The following KBTBD2 variants were observed in gnomAD, a reference collection of about 807,000 sequenced individuals.
KBTBD2 encodes the protein kelch repeat and BTB domain-containing protein 2.
Under a neutral mutation model 57.1 loss-of-function variants are expected in KBTBD2, and 17 were observed. The ratio of observed to expected loss-of-function variants is 0.30; its 90% confidence interval spans 0.20 to 0.45. The LOEUF is 0.45. Ranked by LOEUF, KBTBD2 falls within the 20% of genes least tolerant of loss-of-function variation. KBTBD2 has a pLI of 1.00. For missense variants in KBTBD2, 515 were observed against 750.6 expected, an observed-to-expected ratio of 0.69 and a Z score of 3.67; for synonymous variants, 267 against 262.7, an observed-to-expected ratio of 1.02 and a Z score of -0.16.
At chr7:32,884,783 T>C (rs1583789185) in intron 1 of KBTBD2, among the ~76,000 whole-genome samples, 1 of 151,934 alleles carries the variant, frequency 6.6e-6, no homozygotes, top group Non-Finnish European at 1.5e-5. Context: ...TTTTAGGCTT[T>C]GGGAGCCATA....
At chr7:32,891,282 C>T (rs1784731979) in intron 1 of KBTBD2, 1 of 148,858 alleles carries the variant, frequency 6.7e-6, no homozygotes, top group African/African-American at 2.4e-5. Context: ...TACCGGGCCG[C>T]CCCTTCCCCG....
chr7:32,888,664 C>G (rs530863219), intron 1 of KBTBD2, among the ~76,000 whole-genome samples: 1 of 150,310 alleles, frequency 6.7e-6, no homozygotes, highest in Non-Finnish European at 1.5e-5. Flanking sequence ...CACTGCACTC[C>G]AGCCTGGGCG....
rs758468982 is a variant in KBTBD2, at chr7:32,869,577, G to A, written c.1640C>T (p.Ala547Val). The change falls in exon 4 of 4, where the codon GCT becomes GTT. Residue 547 changes from alanine (A) to valine (V), a missense_variant. Ala to Val is a moderately conservative substitution (Grantham distance 64, BLOSUM62 0). Coordinates refer to ENST00000304056, the MANE Select transcript of KBTBD2 (RefSeq NM_015483.3). ...FMRETHLNER[A>V]KYVTYQYDLE... ...GTCATATTGGTAGGTGACGTATTTA[G>A]CTCGCTCATTTAAGTGGGTTTCTCG... 3 of 1,614,142 alleles carry A rather than the reference G, an allele frequency of 1.9e-6. No individual in the cohort carries two copies. Among genetic ancestry groups the A allele is most frequent in the Non-Finnish European group, 2.5e-6 (3 of 1,180,012 alleles).
intron 1 of KBTBD2, among the ~76,000 whole-genome samples, chr7:32,888,454 T>A (rs933786080): frequency 6.6e-6 from 1 of 151,980 alleles, no homozygotes; most frequent in African/African-American, 2.4e-5. Flanking sequence ...ACCACGACAG[T>A]TGAGAATGTC....
intron 1 of KBTBD2, among the ~76,000 whole-genome samples, chr7:32,880,254 A>G (rs971312238): frequency 6.6e-5 from 10 of 152,124 alleles, no homozygotes; most frequent in Admixed American, 5.9e-4. Flanking sequence ...TAAATTACCA[A>G]AGCCAGATCT....
intron 1 of KBTBD2, among the ~76,000 whole-genome samples, chr7:32,888,951 C>CTCA (rs1784655653): frequency 6.6e-6 from 1 of 152,158 alleles, no homozygotes; most frequent in South Asian, 2.1e-4. Flanking sequence ...TATGAGTATA[C>CTCA]TATGTCCTTT....
At chr7:32,884,932 T>A (rs1204576353) in intron 1 of KBTBD2, among the ~76,000 whole-genome samples, 1 of 148,264 alleles carries the variant, frequency 6.7e-6, no homozygotes, top group Non-Finnish European at 1.5e-5. Flanking sequence ...GCTTTATTTT[T>A]AAAAATTTAT....
chr7:32,869,507 A>G lies in KBTBD2; in HGVS notation c.1710T>C (p.Arg570=). Reference sequence around the variant, plus strand: ...AATCTCTCCCCAAGTCCCACAGTACACGTTCAGATATATGCTGCCGCAGAG... The same window carrying G: ...AATCTCTCCCCAAGTCCCACAGTACGCGTTCAGATATATGCTGCCGCAGAG... ...RWSLRQHISE[R]VLWDLGRDFR... Residue 570 remains arginine, a synonymous_variant, in exon 4 of 4, where the codon CGT becomes CGC. Transcript: ENST00000304056. 6.2e-7 allele frequency: 1 copy of G among 1,614,162 alleles called. No homozygotes were observed. Among genetic ancestry groups the G allele is most frequent in the Non-Finnish European group, 8.5e-7 (1 of 1,180,010 alleles).
In KBTBD2 at chr7:32,875,057, T is replaced by A; in HGVS notation, c.271A>T (p.Thr91Ser). The A allele has an allele frequency of 5.6e-6, 9 of 1,614,134 alleles. No individual in the cohort carries two copies. Among genetic ancestry groups the A allele is most frequent in the Non-Finnish European group, 7.6e-6 (9 of 1,179,958 alleles). ...CTGTCATTCATTGCCAAGTTACCCGTGTATGCATAAGTTATTATTATCTGT... is the reference window on the plus strand; with the variant it reads ...CTGTCATTCATTGCCAAGTTACCCGAGTATGCATAAGTTATTATTATCTGT... ...TLQIIITYAYTGNLAMNDSTV... is the reference protein window; with the variant it reads ...TLQIIITYAYSGNLAMNDSTV... Residue 91 changes from threonine (T) to serine (S), a missense_variant, in exon 3 of 4, where the codon ACG becomes TCG. Transcript: ENST00000304056.
At chr7:32,885,546 C>T (rs1784557553) in intron 1 of KBTBD2, among the ~76,000 whole-genome samples, 1 of 151,104 alleles carries the variant, frequency 6.6e-6, no homozygotes, top group African/African-American at 2.4e-5. Context: ...AAAAGCTATT[C>T]AAAAACACTT....
chr7:32,872,783 A>C (rs1225992000), intron 3 of KBTBD2, among the ~76,000 whole-genome samples: 1 of 152,250 alleles, frequency 6.6e-6, no homozygotes, highest in Non-Finnish European at 1.5e-5. Context: ...GGAGCACTTC[A>C]GAGTCTAGAT....
chr7:32,886,910 T>A (rs1784594212), intron 1 of KBTBD2, among the ~76,000 whole-genome samples: 1 of 151,628 alleles, frequency 6.6e-6, no homozygotes, highest in Admixed American at 6.6e-5. Flanking sequence ...TTTTAAAAAA[T>A]CCCAAATACT....
chr7:32,869,195 ACT>A lies in KBTBD2; in HGVS notation c.*148_*149del, dbSNP rs1784103007. 1 of 594,760 alleles carries A rather than the reference ACT, an allele frequency of 1.7e-6. No individual in the cohort carries two copies. The highest frequency in any genetic ancestry group is 1.9e-5 in the African/African-American group (1 of 53,994). The allele number at this position is 594,760 out of a possible 1,614,324, so 36.8% of individuals were successfully genotyped here. On this transcript the variant is annotated 3_prime_UTR_variant, in exon 4 of 4. Transcript: ENST00000304056. ...TGTAAGACTCACTGATATATATTAT[ACT>A]GATGCAAATATTAAGTAGGGCATAA...
In KBTBD2 at chr7:32,879,628, AG is replaced by A. The variant is rs1439837454; in HGVS notation, c.-25del. The A allele has an allele frequency of 1.2e-6, 2 of 1,601,180 alleles. No homozygotes were observed. The highest frequency in any genetic ancestry group is 1.7e-6 in the Non-Finnish European group (2 of 1,171,812). On this transcript the variant is annotated 5_prime_UTR_variant, in exon 2 of 4. Transcript: ENST00000304056. The stretch of plus-strand genomic sequence containing the variant: ...ATGACTGTATTCCATTAATATCTCC[AG>A]GAACAGATTAGAAAAGTCCGTCTTA...
Position 32,874,975 on chromosome 7 carries a change from A to T in KBTBD2, c.336+17T>A, listed in dbSNP as rs561770466. The T allele has an allele frequency of 9.0e-5, 144 of 1,608,874 alleles. No homozygotes were observed. The highest frequency in any genetic ancestry group is 1.7e-4 in the Middle Eastern group (1 of 6,030). ...AACAGAGAGAGACTCCGTCTAAAAAAATATATATATGCTTACCTGTAGGAA... is the reference window on the plus strand; with the variant it reads ...AACAGAGAGAGACTCCGTCTAAAAATATATATATATGCTTACCTGTAGGAA... On this transcript the variant is annotated intron_variant, in intron 3 of 3. Coordinates refer to ENST00000304056, the MANE Select transcript of KBTBD2 (RefSeq NM_015483.3).
intron 1 of KBTBD2, among the ~76,000 whole-genome samples, chr7:32,884,037 G>A (rs1160895722): frequency 1.3e-5 from 2 of 152,122 alleles, no homozygotes; most frequent in African/African-American, 2.4e-5. Context: ...AGAGACATGA[G>A]TTCAAGAAAT....
intron 1 of KBTBD2, among the ~76,000 whole-genome samples, chr7:32,888,101 T>C (rs1017183265): frequency 1.4e-4 from 22 of 152,358 alleles, no homozygotes; most frequent in African/African-American, 5.1e-4. Flanking sequence ...TCTGTCTAAA[T>C]GGTATTTTAC....
chr7:32,870,521 AG>A lies in KBTBD2; in HGVS notation c.695del (p.Ala232ValfsTer32). The A allele has an allele frequency of 6.2e-7, 1 of 1,614,158 alleles. No homozygotes were observed. ...IDALSEVTQR[A>X]WFQGLPPNDK... ...CATTGGGTGGCAGACCTTGAAACCAAGCTCTCTGTGTTACTTCTGAAAGTGC... is the reference window on the plus strand; with the variant it reads ...CATTGGGTGGCAGACCTTGAAACCAACTCTCTGTGTTACTTCTGAAAGTGC... On this transcript the variant is annotated frameshift_variant, in exon 4 of 4. Transcript: ENST00000304056. LOFTEE classifies it high-confidence loss of function.
intron 1 of KBTBD2, among the ~76,000 whole-genome samples, chr7:32,889,723 A>C (rs1336236705): frequency 6.6e-6 from 1 of 152,244 alleles, no homozygotes; most frequent in Non-Finnish European, 1.5e-5. Flanking sequence ...ATTTTCACTC[A>C]TATTTTATGA....
Sources: gnomAD v4.1 joint callset for allele counts (sites outside exome capture counted in the v4.1 genomes callset) on GRCh38, gnomAD v4.1.1 for gene constraint, MANE v1.5 for transcripts, NCBI Gene and HGNC (gene_info 2026-07-23, HGNC 2026-07-21) for gene names.